ARHGAP21: variants seen among roughly 807,000 people sequenced by gnomAD.
The protein encoded by ARHGAP21 is Rho GTPase activating protein 21.
ARHGAP21 carries 38 observed loss-of-function variants against 164.6 expected under a neutral mutation model. The ratio of observed to expected loss-of-function variants is 0.23; its 90% confidence interval spans 0.18 to 0.30. The LOEUF (loss-of-function observed/expected upper bound fraction) is 0.30. Ranked by LOEUF, ARHGAP21 falls within the 10% of genes least tolerant of loss-of-function variation. The probability of loss-of-function intolerance (pLI) is 1.00; values close to 1 mark genes in which losing one functional copy is unlikely to be tolerated. For missense variants in ARHGAP21, 1,822 were observed against 2,370.7 expected (o/e 0.77, Z 4.81); for synonymous variants, 766 against 857.9 (o/e 0.89, Z 1.87).
intron 25 of ARHGAP21, 25 bp downstream of exon 25, chr10:24,589,246 T>C: frequency 6.3e-7 from 1 of 1,587,728 alleles, no homozygotes; most frequent in Non-Finnish European, 8.6e-7. Context: ...CCCTAAAATA[T>C]TTCAAATTGT....
intron 9 of ARHGAP21, among the ~76,000 whole-genome samples, chr10:24,610,843 C>T (rs1038405314): frequency 2.6e-5 from 4 of 152,086 alleles, no homozygotes; most frequent in African/African-American, 9.7e-5. Context: ...CCACTAAAAT[C>T]ACAGTGGAAA....
At chr10:24,652,379 T>C (rs1838270397) in intron 4 of ARHGAP21, among the ~76,000 whole-genome samples, 1 of 152,166 alleles carries the variant, frequency 6.6e-6, no homozygotes, top group Non-Finnish European at 1.5e-5. Flanking sequence ...GAATAACGCA[T>C]CTTGAAGATG....
In ARHGAP21 at chr10:24,633,377, G is replaced by A. The variant is rs766805766; in HGVS notation, c.440+25C>T. The stretch of plus-strand genomic sequence containing the variant: ...TATTGATCTATAAAACCCATCTTTG[G>A]GTTTTAATGTTTTAAGACTCTTACC... On this transcript the variant is annotated intron_variant, in intron 6 of 25. Coordinates refer to ENST00000396432, the MANE Select transcript of ARHGAP21 (RefSeq NM_020824.4). 2.0e-6 allele frequency: 3 copies of A among 1,515,886 alleles called. No individual in the cohort carries two copies. In the East Asian group the frequency reaches 6.8e-5, roughly 34 times the overall value. The allele number at this position is 1,515,886 out of a possible 1,614,324, so 93.9% of individuals were successfully genotyped here.
At chr10:24,610,428 T>TTTTTA (rs2077208940) in intron 9 of ARHGAP21, among the ~76,000 whole-genome samples, 3 of 151,736 alleles carry the variant, frequency 2.0e-5, no homozygotes, top group South Asian at 4.2e-4. Context: ...CCCAGAGCTC[T>TTTTTA]TTATAATAAA....
chr10:24,707,639 T>C (rs1045982072), intron 2 of ARHGAP21, among the ~76,000 whole-genome samples: 6 of 152,230 alleles, frequency 3.9e-5, no homozygotes, highest in African/African-American at 1.4e-4. Context: ...CTAATCTGCA[T>C]AGTGGCTGTA....
rs61758698 is a variant in ARHGAP21, at chr10:24,619,651, C to T, written c.2244G>A (p.Pro748=). The change falls in exon 9 of 26, where the codon CCG becomes CCA. Residue 748 remains proline, a synonymous_variant. Transcript: ENST00000396432. ...TGTAAGACTGATGCCTTAAAGGCTG[C>T]GGTGTCTGGCGTCCAGATGGAGGTT... ...REKPPSGRQT[P]QPLRHQSYIL... 2,234 of 1,614,166 alleles carry T rather than the reference C, an allele frequency of 1.4e-3. 3 individuals are homozygous for T. The highest frequency in any genetic ancestry group is 1.7e-3 in the Non-Finnish European group (1,953 of 1,180,028).
rs368413988 is a variant in ARHGAP21, at chr10:24,622,784, T to A, written c.496-22A>T. ...GTAGCTAGCAGAAAATAGGAAAACA[T>A]AGTAGAAGCTGCTTACTGATATAAA... On this transcript the variant is annotated intron_variant, in intron 7 of 25. Transcript: ENST00000396432. 5.3e-5 allele frequency: 86 copies of A among 1,607,676 alleles called. 1 individual carries two copies. Among genetic ancestry groups the A allele is most frequent in the Middle Eastern group, 1.7e-4 (1 of 6,060 alleles).
In ARHGAP21 at chr10:24,721,986, G is replaced by A; in HGVS notation, c.-87C>T. 7.8e-6 allele frequency: 11 copies of A among 1,411,492 alleles called. No individual in the cohort carries two copies. The highest frequency in any genetic ancestry group is 9.9e-6 in the Non-Finnish European group (10 of 1,006,960). The allele number at this position is 1,411,492 out of a possible 1,614,324, so 87.4% of individuals were successfully genotyped here. A position where few individuals can be genotyped will look rare whatever the true frequency, so the allele number is the denominator to read the frequency against. ...ATGCCACCACACACCCGAAGGGGAA[G>A]AATTCCACAAGCAGGCTCCGAGGAG... On this transcript the variant is annotated 5_prime_UTR_variant, in exon 2 of 26. Transcript: ENST00000396432.
Position 24,619,588 on chromosome 10 carries a change from A to G in ARHGAP21, c.2307T>C (p.Thr769=). The change falls in exon 9 of 26, where the codon ACT becomes ACC. Residue 769 remains threonine, a synonymous_variant. Transcript: ENST00000396432. ...GTGCATCATTGGGCAGCCAGCAGGT[A>G]GTGTCTGACCCGGTCTCCTGGTCAT... The part of the protein sequence containing the change: ...AVNDQETGSD[T]TCWLPNDARR... 6.2e-7 allele frequency: 1 copy of G among 1,614,168 alleles called. No individual in the cohort carries two copies. Among genetic ancestry groups the G allele is most frequent in the Non-Finnish European group, 8.5e-7 (1 of 1,180,032 alleles).
rs370816999 is a variant in ARHGAP21 at position 24,619,501 on chromosome 10, G to A, written c.2394C>T (p.Gly798=). 62 of 1,613,920 alleles carry A rather than the reference G, an allele frequency of 3.8e-5. No individual in the cohort carries two copies. The highest frequency in any genetic ancestry group is 1.7e-4 in the Admixed American group (10 of 59,992). ...TAAATGGGATGGAAGCCAAAGAATC[G>A]CCAGGCGGACTGGTACTCGAGGCTT... is the stretch of plus-strand genomic sequence containing the variant. ...ERKASSTSPP[G]DSLASIPFID... is the part of the protein sequence containing the mutation. The change falls in exon 9 of 26, where the codon GGC becomes GGT. Residue 798 remains glycine, a synonymous_variant. Coordinates refer to ENST00000396432, the MANE Select transcript of ARHGAP21 (RefSeq NM_020824.4).
chr10:24,595,664 C>A (rs2076550435), intron 19 of ARHGAP21, 53 bp downstream of exon 19: 6 of 1,531,926 alleles, frequency 3.9e-6, no homozygotes, highest in Middle Eastern at 4.6e-4. Flanking sequence ...CTATGGTTTT[C>A]CAATTGTAAC....
chr10:24,633,080 G>C (rs1252218629), intron 6 of ARHGAP21, among the ~76,000 whole-genome samples: 2 of 152,076 alleles, frequency 1.3e-5, no homozygotes, highest in African/African-American at 4.8e-5. Flanking sequence ...AACTATATAT[G>C]CATTTATTTA....
At chr10:24,633,879 T>C (rs1327492643) in intron 5 of ARHGAP21, among the ~76,000 whole-genome samples, 7 of 139,960 alleles carry the variant, frequency 5.0e-5, no homozygotes, top group Admixed American at 7.7e-5. Context: ...CTGTCTTTTT[T>C]TCTCTTTTTT....
intron 2 of ARHGAP21, among the ~76,000 whole-genome samples, chr10:24,673,562 C>G (rs1369038745): frequency 6.6e-6 from 1 of 152,170 alleles, no homozygotes; most frequent in Non-Finnish European, 1.5e-5. Flanking sequence ...AAAATTAACT[C>G]AAATGATCAT....
In ARHGAP21 at chr10:24,596,880, C is replaced by T; in HGVS notation, c.3337G>A (p.Asp1113Asn). The change falls in exon 17 of 26, where the codon GAT becomes AAT. Residue 1113 changes from aspartate to asparagine, a missense_variant and splice_region_variant. Around this residue, in one of 5 missense-constraint regions of ARHGAP21, gnomAD observed 1,090 missense variants for 1,378.9 expected, o/e 0.79. Transcript: ENST00000396432. ...ESERKLLSKD[D>N]TSPPKDKGTW... ...CCTTTGTCTTTTGGGGGACTGGTAT[C>T]ATCTTTTGATTGCCAGTCAAAATAA... 1 of 1,596,392 alleles carries T rather than the reference C, an allele frequency of 6.3e-7. No homozygotes were observed. Among genetic ancestry groups the T allele is most frequent in the Non-Finnish European group, 8.5e-7 (1 of 1,175,694 alleles).
intron 4 of ARHGAP21, among the ~76,000 whole-genome samples, chr10:24,655,490 C>T (rs1299777527): frequency 6.6e-6 from 1 of 152,202 alleles, no homozygotes; most frequent in Non-Finnish European, 1.5e-5. Flanking sequence ...CAAAAGAAGA[C>T]ATTTATGCAG....
At chr10:24,631,418 A>ACTATT (rs57452820) in intron 6 of ARHGAP21, among the ~76,000 whole-genome samples, 74,835 of 151,488 alleles carry the variant, frequency 0.49, 18,665 homozygotes, top group Middle Eastern at 0.55. Flanking sequence ...AGGCAGTGCT[A>ACTATT]CTATCTCCAC....
intron 4 of ARHGAP21, among the ~76,000 whole-genome samples, chr10:24,642,288 G>T (rs1331139314): frequency 1.3e-5 from 2 of 151,952 alleles, no homozygotes; most frequent in Non-Finnish European, 2.9e-5. Flanking sequence ...GGCCGAGGCG[G>T]GCGGATCACG....
At chr10:24,604,580 C>T in intron 11 of ARHGAP21, among the ~76,000 whole-genome samples, 1 of 152,102 alleles carries the variant, frequency 6.6e-6, no homozygotes, top group Admixed American at 6.5e-5. Context: ...ATTGTTTCTG[C>T]TTGAAGTGTG....
Sources: allele counts gnomAD v4.1 joint callset (sites outside exome capture counted in the v4.1 genomes callset), GRCh38; gene constraint gnomAD v4.1.1; regional missense constraint gnomAD v4.1.1; transcripts MANE v1.5; gene names NCBI Gene and HGNC (gene_info 2026-07-23, HGNC 2026-07-21).